EPHA5: variants seen among roughly 807,000 people sequenced by gnomAD.
The protein encoded by EPHA5 is ephrin type-A receptor 5.
EPHA5 carries 60 observed loss-of-function variants against 105.0 expected under a neutral mutation model. The ratio of observed to expected loss-of-function variants is 0.57; its 90% CI spans 0.46 to 0.71. EPHA5 has a LOEUF of 0.71. EPHA5 is among the 30% of genes least tolerant of loss of function. The pLI, the probability that EPHA5 is intolerant of heterozygous loss-of-function variation, is 0.00. For missense variants in EPHA5, 1,218 were observed against 1,274.7 expected, an observed-to-expected ratio of 0.96 and a Z score of 0.68; for synonymous variants, 513 against 449.1, an observed-to-expected ratio of 1.14 and a Z score of -1.80.
At chr4:65,477,218 A>G (rs960109164) in intron 5 of EPHA5, among the ~76,000 whole-genome samples, 1 of 152,210 alleles carries the variant, frequency 6.6e-6, no homozygotes, top group Non-Finnish European at 1.5e-5. Context: ...ATTTAAGTGA[A>G]TTTGAAAACT....
intron 3 of EPHA5, among the ~76,000 whole-genome samples, chr4:65,523,146 C>T (rs58304370): frequency 1.3e-5 from 2 of 151,952 alleles, no homozygotes; most frequent in Non-Finnish European, 2.9e-5. Context: ...GTTTAATATG[C>T]TATGTCATAT....
intron 5 of EPHA5, among the ~76,000 whole-genome samples, chr4:65,448,682 C>T (rs866436304): frequency 5.9e-5 from 9 of 152,006 alleles, no homozygotes; most frequent in South Asian, 2.1e-4. Context: ...AACAACAAAA[C>T]GACTTTGTAC....
intron 3 of EPHA5, among the ~76,000 whole-genome samples, chr4:65,541,931 A>C (rs1329185841): frequency 6.6e-6 from 1 of 152,048 alleles, no homozygotes; most frequent in East Asian, 1.9e-4. Context: ...TTCAGGGTTA[A>C]GAAACTCAAT....
chr4:65,338,196 A>G (rs1232442328), intron 14 of EPHA5, among the ~76,000 whole-genome samples: 1 of 152,122 alleles, frequency 6.6e-6, no homozygotes, highest in Non-Finnish European at 1.5e-5. Context: ...AATATTTTTA[A>G]AAATTATCAT....
At chr4:65,546,750 T>C (rs1027818990) in intron 3 of EPHA5, among the ~76,000 whole-genome samples, 1 of 152,058 alleles carries the variant, frequency 6.6e-6, no homozygotes, top group African/African-American at 2.4e-5. Context: ...AACTTCAAGA[T>C]CCCTAAAGTC....
chr4:65,604,349 T>A lies in EPHA5; in HGVS notation c.247-2045A>T, dbSNP rs187852209. ...TAATTTCAAAGTATGTGCATAAGCATCTTGCTTCTCTGAATATTCTCAGTT... is the reference window on the plus strand; with the variant it reads ...TAATTTCAAAGTATGTGCATAAGCAACTTGCTTCTCTGAATATTCTCAGTT... On this transcript the variant is annotated intron_variant, in intron 2 of 16. Coordinates refer to ENST00000613740, the MANE Select transcript of EPHA5 (RefSeq NM_001281766.3). Among the ~76,000 whole-genome samples the A allele has an allele frequency of 1.7e-4, 26 of 152,318 alleles. 1 individual carries two copies. In the East Asian group the frequency reaches 4.6e-3, roughly 27 times the overall value.
intron 5 of EPHA5, among the ~76,000 whole-genome samples, chr4:65,429,685 T>G (rs1456871375): frequency 6.6e-6 from 1 of 152,050 alleles, no homozygotes; most frequent in Non-Finnish European, 1.5e-5. Flanking sequence ...ATTGTGATAT[T>G]AAATTATTTA....
At position 65,635,469 on chromosome 4, in the gene EPHA5, C is replaced by G. The variant is rs149293283; in HGVS notation, c.246+7894G>C. On this transcript the variant is annotated intron_variant, in intron 2 of 16. Transcript: ENST00000613740. Reference sequence around the variant, plus strand: ...AGCAGAATTAGCAATACAACCGATGCTCAGGGGAATGTAGTGGTTTCCCCA... The same window carrying G: ...AGCAGAATTAGCAATACAACCGATGGTCAGGGGAATGTAGTGGTTTCCCCA... Among the ~76,000 whole-genome samples, 149 of 152,160 alleles carry G rather than the reference C, an allele frequency of 9.8e-4. 1 individual carries two copies. The highest frequency in any genetic ancestry group is 3.3e-3 in the African/African-American group (138 of 41,520).
chr4:65,340,742 A>C (rs2148823687), intron 14 of EPHA5, among the ~76,000 whole-genome samples: 1 of 152,296 alleles, frequency 6.6e-6, no homozygotes, highest in Admixed American at 6.5e-5. Context: ...ATGCGAAGTA[A>C]GTGTGTCATG....
In EPHA5 at chr4:65,323,440, T is replaced by C. The variant is rs1013751534; in HGVS notation, c.*674A>G. Reference sequence around the variant, plus strand: ...CCTGGGTATATTGCAAATTATACAGTATATACACATTTATTACCTAATAAT... The same window carrying C: ...CCTGGGTATATTGCAAATTATACAGCATATACACATTTATTACCTAATAAT... On this transcript the variant is annotated 3_prime_UTR_variant, in exon 17 of 17. Transcript: ENST00000613740. 2 of 230,014 alleles carry C rather than the reference T, an allele frequency of 8.7e-6. No homozygotes were observed. Among genetic ancestry groups the C allele is most frequent in the Non-Finnish European group, 1.7e-5 (2 of 116,032 alleles). The allele number at this position is 230,014 out of a possible 1,614,324, so 14.2% of individuals were successfully genotyped here. A position where few individuals can be genotyped will look rare whatever the true frequency, so the allele number is the denominator to read the frequency against.
intron 5 of EPHA5, among the ~76,000 whole-genome samples, chr4:65,450,535 T>C (rs1726966510): frequency 6.6e-6 from 1 of 152,272 alleles, no homozygotes; most frequent in African/African-American, 2.4e-5. Flanking sequence ...TAGACACTTG[T>C]TTCATTTTCA....
intron 5 of EPHA5, among the ~76,000 whole-genome samples, chr4:65,448,450 G>C (rs1017846066): frequency 1.3e-5 from 2 of 152,016 alleles, no homozygotes; most frequent in Non-Finnish European, 1.5e-5. Flanking sequence ...GAGTTCCAGA[G>C]TAGCCTGGCC....
chr4:65,606,540 A>G (rs147740185), intron 2 of EPHA5, among the ~76,000 whole-genome samples: 57 of 152,302 alleles, frequency 3.7e-4, no homozygotes, highest in African/African-American at 1.3e-3. Flanking sequence ...AACACTAAGT[A>G]TTTATTAAAA....
At chr4:65,465,483 GA>G (rs1553920708) in intron 5 of EPHA5, among the ~76,000 whole-genome samples, 5 of 82,358 alleles carry the variant, frequency 6.1e-5, no homozygotes, top group Admixed American at 1.4e-4. Flanking sequence ...AAGAAAGAAA[GA>G]AAGAAAGAAA....
chr4:65,406,052 G>A (rs1235384701), intron 7 of EPHA5, among the ~76,000 whole-genome samples: 2 of 152,016 alleles, frequency 1.3e-5, no homozygotes, highest in East Asian at 1.9e-4. Flanking sequence ...GTAATGAGAC[G>A]TCTTCATTTG....
intron 2 of EPHA5, among the ~76,000 whole-genome samples, chr4:65,624,823 G>A (rs1435976811): frequency 6.6e-6 from 1 of 152,090 alleles, no homozygotes; most frequent in African/African-American, 2.4e-5. Context: ...CTGTGTACAA[G>A]TCATTTTTCT....
intron 3 of EPHA5, among the ~76,000 whole-genome samples, chr4:65,546,151 C>T (rs879820267): frequency 6.6e-6 from 1 of 151,942 alleles, no homozygotes; most frequent in Non-Finnish European, 1.5e-5. Context: ...TTTTAACTTA[C>T]TGCATTTTAA....
At chr4:65,589,583 A>G (rs1742439811) in intron 3 of EPHA5, among the ~76,000 whole-genome samples, 1 of 152,220 alleles carries the variant, frequency 6.6e-6, no homozygotes. Context: ...ATGGAAGACA[A>G]TCAAATGCAG....
chr4:65,665,631 CAAG>C (rs1446426373), intron 1 of EPHA5, among the ~76,000 whole-genome samples: 1 of 151,966 alleles, frequency 6.6e-6, no homozygotes, highest in East Asian at 1.9e-4. Context: ...GACAATATTA[CAAG>C]AAGAATATTT....
Sources: allele counts gnomAD v4.1 joint callset (sites outside exome capture counted in the v4.1 genomes callset), GRCh38; gene constraint gnomAD v4.1.1; transcripts MANE v1.5; gene names NCBI Gene and HGNC (gene_info 2026-07-23, HGNC 2026-07-21).